Variants in SLC35G5 observed in about 807,000 individuals in gnomAD.
SLC35G5 encodes solute carrier family 35 member G5, also known as acyl-malonyl condensing enzyme 1-like 2.
Under a neutral mutation model 17.6 loss-of-function variants are expected in SLC35G5, and 14 were observed. The observed-to-expected ratio is 0.79, with a 90% CI of 0.52 to 1.24. The LOEUF (loss-of-function observed/expected upper bound fraction) is 1.24, where lower values mean the gene tolerates loss of function less well. SLC35G5 is among the 50% of genes most tolerant of loss of function. SLC35G5 has a pLI of 0.00. For synonymous variants in SLC35G5, 236 were observed against 194.9 expected (o/e 1.21, Z -1.76); for missense variants, 541 against 430.3 (o/e 1.26, Z -2.28).
In SLC35G5 at chr8:11,332,352, T is replaced by G; in HGVS notation, c.*229T>G. ...GCTTATTTACAGGAATAAAATTAAT[T>G]GAACTATCCTTAAGGAATCCCAGAC... On this transcript the variant is annotated 3_prime_UTR_variant, in exon 1 of 1. Coordinates refer to ENST00000382435, the MANE Select transcript of SLC35G5 (RefSeq NM_054028.2). 2 of 783,768 alleles carry G rather than the reference T, an allele frequency of 2.6e-6. No individual in the cohort carries two copies. Among genetic ancestry groups the G allele is most frequent in the Non-Finnish European group, 3.6e-6 (2 of 550,716 alleles). The allele number at this position is 783,768 out of a possible 1,614,324, so 48.6% of individuals were successfully genotyped here. A position where few individuals can be genotyped will look rare whatever the true frequency, so the allele number is the denominator to read the frequency against.
At position 11,332,062 on chromosome 8, in the gene SLC35G5, G is replaced by A; in HGVS notation, c.956G>A (p.Ser319Asn). Residue 319 changes from serine to asparagine, a missense_variant, in exon 1 of 1, where the codon AGC becomes AAC. Transcript: ENST00000382435. ...ATGGGGGCAGGGGTTGTGCTGGGCA[G>A]CATTGCCATCATTACAGCCCGGAAC... is the stretch of plus-strand genomic sequence containing the variant. ...DIMGAGVVLGSIAIITARNLS... is the reference protein window; with the variant it reads ...DIMGAGVVLGNIAIITARNLS... 2 of 1,611,926 alleles carry A rather than the reference G, an allele frequency of 1.2e-6. No homozygotes were observed. The highest frequency in any genetic ancestry group is 2.2e-5 in the East Asian group (1 of 44,876).
In SLC35G5 at chr8:11,331,375, G is replaced by A. The variant is rs141484171; in HGVS notation, c.269G>A (p.Arg90His). 2.6e-4 allele frequency: 426 copies of A among 1,613,652 alleles called. No individual in the cohort carries two copies. Among genetic ancestry groups the A allele is most frequent in the African/African-American group, 2.6e-3 (197 of 75,036 alleles). The stretch of plus-strand genomic sequence containing the variant: ...CCTATTGCCCTGCTACTTAAACTGC[G>A]TGGCGACCCCCTTCTGGGACCTCCT... Reference protein sequence around the residue: ...HLPIALLLKLRGDPLLGPPDI... With the variant: ...HLPIALLLKLHGDPLLGPPDI... Residue 90 changes from arginine (R) to histidine (H), a missense_variant, in exon 1 of 1, where the codon CGT becomes CAT. Transcript: ENST00000382435.
rs373728141 is a variant in SLC35G5, at chr8:11,331,156, C to A, written c.50C>A (p.Ser17Ter). 6.2e-7 allele frequency: 1 copy of A among 1,611,804 alleles called. No homozygotes were observed. The change falls in exon 1 of 1, where the codon TCG becomes TAG. Residue 17 changes from serine (S) to a stop codon, truncating the protein, a stop_gained. Coordinates refer to ENST00000382435, the MANE Select transcript of SLC35G5 (RefSeq NM_054028.2). LOFTEE classifies it high-confidence loss of function. The stretch of plus-strand genomic sequence containing the variant: ...AACCTGCCTGACTCCACACACCCAT[C>A]GCCGCCCTCCGCTCCACCCAGCCTC... ...YFNLPDSTHP[S>*]PPSAPPSLRW... is the part of the protein sequence containing the mutation.
rs754536208 is a variant in SLC35G5, at chr8:11,331,799, G to T, written c.693G>T (p.Leu231=). ...TVAFLSGLVG[L]LGCVPGLFVL... ...CCTTCCTATCTGGCTTGGTGGGGCT[G>T]CTGGGCTGTGTGCCAGGCCTCTTTG... The change falls in exon 1 of 1, where the codon CTG becomes CTT. Residue 231 remains leucine, a synonymous_variant. Transcript: ENST00000382435. The T allele has an allele frequency of 2.3e-5, 37 of 1,611,658 alleles. No individual in the cohort carries two copies. The South Asian group carries it at 3.6e-4, about 16-fold the overall frequency.
At position 11,331,892 on chromosome 8, in the gene SLC35G5, C is replaced by T. The variant is rs143159188; in HGVS notation, c.786C>T (p.Leu262=). Residue 262 remains leucine, a synonymous_variant, in exon 1 of 1, where the codon CTC becomes CTT. Transcript: ENST00000382435. ...SWSCVGAEGI[L]ALVSFTCVGY... ...GTTGTGTGGGGGCAGAGGGGATCCT[C>T]GCCTTGGTCTCCTTCACATGTGTGG... The T allele has an allele frequency of 7.9e-5, 127 of 1,612,062 alleles. 1 individual carries two copies. In the African/African-American group the frequency reaches 1.2e-3, roughly 16 times the overall value.
Position 11,331,026 on chromosome 8 carries a change from C to G in SLC35G5, c.-81C>G. 1.3e-6 allele frequency: 2 copies of G among 1,514,410 alleles called. No homozygotes were observed. Among genetic ancestry groups the G allele is most frequent in the Non-Finnish European group, 1.8e-6 (2 of 1,135,734 alleles). 93.8% of individuals were successfully genotyped at this position (1,514,410 alleles called of 1,614,324 possible). A position where few individuals can be genotyped will look rare whatever the true frequency, so the allele number is the denominator to read the frequency against. On this transcript the variant is annotated 5_prime_UTR_variant, in exon 1 of 1. Coordinates refer to ENST00000382435, the MANE Select transcript of SLC35G5 (RefSeq NM_054028.2). ...GTTCCAGGGAAGAACCCCACCCGCA[C>G]TCCAATGAGGTCACAATGGCTGGAG... is the stretch of plus-strand genomic sequence containing the variant.
Position 11,332,269 on chromosome 8 carries a change from T to C in SLC35G5, c.*146T>C, listed in dbSNP as rs989355859. On this transcript the variant is annotated 3_prime_UTR_variant, in exon 1 of 1. Transcript: ENST00000382435. ...CTAACTTCCATAGCACATTATAATA[T>C]TGAGATGTTCAGTTATAATAAAAAT... The C allele has an allele frequency of 1.7e-5, 22 of 1,288,660 alleles. No homozygotes were observed. The highest frequency in any genetic ancestry group is 2.1e-5 in the Non-Finnish European group (20 of 962,718). 79.8% of individuals were successfully genotyped at this position (1,288,660 alleles called of 1,614,324 possible). A position where few individuals can be genotyped will look rare whatever the true frequency, so the allele number is the denominator to read the frequency against.
In SLC35G5 at chr8:11,331,875, G is replaced by C; in HGVS notation, c.769G>C (p.Gly257Arg). 6.2e-7 allele frequency: 1 copy of C among 1,612,044 alleles called. No homozygotes were observed. The highest frequency in any genetic ancestry group is 8.5e-7 in the Non-Finnish European group (1 of 1,179,858). ...PSDLLSWSCV[G>R]AEGILALVSF... ...TGACCTCCTGAGTTGGAGTTGTGTG[G>C]GGGCAGAGGGGATCCTCGCCTTGGT... The change falls in exon 1 of 1, where the codon GGG (glycine) becomes CGG (arginine). Residue 257 changes from glycine to arginine, a missense_variant. Gly to Arg is a moderately radical substitution (Grantham distance 125). Transcript: ENST00000382435.
In SLC35G5 at chr8:11,331,667, C is replaced by G. The variant is rs755131257; in HGVS notation, c.561C>G (p.Val187=). 5.0e-6 allele frequency: 8 copies of G among 1,612,100 alleles called. No individual in the cohort carries two copies. Among genetic ancestry groups the G allele is most frequent in the South Asian group, 3.3e-5 (3 of 90,988 alleles). ...CACTACAGGAGGGGACCACAGGTGT[C>G]TACACCACCCTGGGCTATGTGCAGG... ...LWTLQEGTTG[V]YTTLGYVQAF... Residue 187 remains valine (V), a synonymous_variant, in exon 1 of 1, where the codon GTC becomes GTG. Transcript: ENST00000382435.
chr8:11,331,925 G>A lies in SLC35G5; in HGVS notation c.819G>A (p.Ala273=), dbSNP rs147410277. The stretch of plus-strand genomic sequence containing the variant: ...TCTCCTTCACATGTGTGGGCTATGC[G>A]GTCACCAAGGCCCACCCTGCCCTGG... The part of the protein sequence containing the change: ...ALVSFTCVGY[A]VTKAHPALVC... Residue 273 remains alanine, a synonymous_variant, in exon 1 of 1, where the codon GCG becomes GCA. Coordinates refer to ENST00000382435, the MANE Select transcript of SLC35G5 (RefSeq NM_054028.2). 9.2e-5 allele frequency: 148 copies of A among 1,611,982 alleles called. No homozygotes were observed. In the East Asian group the frequency reaches 2.1e-3, roughly 23 times the overall value.
chr8:11,331,964 G>C lies in SLC35G5; in HGVS notation c.858G>C (p.Leu286=). The change falls in exon 1 of 1, where the codon CTG becomes CTC. Residue 286 remains leucine, a synonymous_variant. Transcript: ENST00000382435. ...KAHPALVCAV[L]HSEVVVALIL... ...ACCCTGCCCTGGTGTGCGCTGTCCT[G>C]CATTCCGAGGTGGTTGTGGCCCTTA... 6.2e-7 allele frequency: 1 copy of C among 1,612,030 alleles called. No individual in the cohort carries two copies. Among genetic ancestry groups the C allele is most frequent in the Non-Finnish European group, 8.5e-7 (1 of 1,179,854 alleles).
rs1309289127 is a variant in SLC35G5 at position 11,331,071 on chromosome 8, C to T, written c.-36C>T. 10 of 1,561,222 alleles carry T rather than the reference C, an allele frequency of 6.4e-6. No homozygotes were observed. The African/African-American group carries it at 6.8e-5, about 11-fold the overall frequency. On this transcript the variant is annotated 5_prime_UTR_variant, in exon 1 of 1. Coordinates refer to ENST00000382435, the MANE Select transcript of SLC35G5 (RefSeq NM_054028.2). ...CTGGAGCTCTGAGGGGCCCAGGCTCCCTGAGCCAGGAGGAGAGGAGAAAGT... is the reference window on the plus strand; with the variant it reads ...CTGGAGCTCTGAGGGGCCCAGGCTCTCTGAGCCAGGAGGAGAGGAGAAAGT...
In SLC35G5 at chr8:11,332,251, C is replaced by T. The variant is rs1801267061; in HGVS notation, c.*128C>T. ...CTAGGAAAGAGTGAAAGTCTAACTT[C>T]CATAGCACATTATAATATTGAGATG... On this transcript the variant is annotated 3_prime_UTR_variant, in exon 1 of 1. Coordinates refer to ENST00000382435, the MANE Select transcript of SLC35G5 (RefSeq NM_054028.2). 5.8e-6 allele frequency: 8 copies of T among 1,380,924 alleles called. No individual in the cohort carries two copies. Among genetic ancestry groups the T allele is most frequent in the Non-Finnish European group, 7.8e-6 (8 of 1,032,230 alleles). The allele number at this position is 1,380,924 out of a possible 1,614,324, so 85.5% of individuals were successfully genotyped here. A position where few individuals can be genotyped will look rare whatever the true frequency, so the allele number is the denominator to read the frequency against.
chr8:11,331,221 G>T lies in SLC35G5; in HGVS notation c.115G>T (p.Gly39Cys). Residue 39 changes from glycine (G) to cysteine (C), a missense_variant, in exon 1 of 1, where the codon GGC becomes TGC. Physicochemically the swap from Gly to Cys is radical, Grantham distance 159. Coordinates refer to ENST00000382435, the MANE Select transcript of SLC35G5 (RefSeq NM_054028.2). ...CTGCCAGCCCTCTGGTGCCACCAAT[G>T]GCCTGCTGGTGGCCCTGCTGGGTGG... ...QRCQPSGATN[G>C]LLVALLGGGL... 1 of 1,613,976 alleles carries T rather than the reference G, an allele frequency of 6.2e-7. No individual in the cohort carries two copies.
rs1468967789 is a variant in SLC35G5 at position 11,331,369 on chromosome 8, A to C, written c.263A>C (p.Lys88Thr). ...CACCTCCCTATTGCCCTGCTACTTA[A>C]ACTGCGTGGCGACCCCCTTCTGGGA... ...LFHLPIALLL[K>T]LRGDPLLGPP... Residue 88 changes from lysine (K) to threonine (T), a missense_variant, in exon 1 of 1, where the codon AAA becomes ACA. Lys to Thr is a moderately conservative substitution (Grantham distance 78). Transcript: ENST00000382435. 2 of 1,613,786 alleles carry C rather than the reference A, an allele frequency of 1.2e-6. No individual in the cohort carries two copies. The highest frequency in any genetic ancestry group is 1.3e-5 in the African/African-American group (1 of 74,886).
At position 11,331,744 on chromosome 8, in the gene SLC35G5, T is replaced by C; in HGVS notation, c.638T>C (p.Leu213Pro). 1.9e-6 allele frequency: 3 copies of C among 1,611,954 alleles called. No homozygotes were observed. The highest frequency in any genetic ancestry group is 2.5e-6 in the Non-Finnish European group (3 of 1,179,830). The change falls in exon 1 of 1, where the codon CTG becomes CCG. Residue 213 changes from leucine to proline, a missense_variant. Coordinates refer to ENST00000382435, the MANE Select transcript of SLC35G5 (RefSeq NM_054028.2). ...CTGGGGCTTCTGGTCTATCGTTCTCTGCACTTTCCCTCCTGCCTCCCAACA... is the reference window on the plus strand; with the variant it reads ...CTGGGGCTTCTGGTCTATCGTTCTCCGCACTTTCCCTCCTGCCTCCCAACA... ...LSLGLLVYRS[L>P]HFPSCLPTVA...
Position 11,331,518 on chromosome 8 carries a change from T to G in SLC35G5, c.412T>G (p.Ser138Ala). ...CGCTGCCACTGTTCGCAAAGGTTCT[T>G]CCACCGTATGCTCCGCTGTCCTCAC... Reference protein sequence around the residue: ...GNAATVRKGSSTVCSAVLTLC... With the variant: ...GNAATVRKGSATVCSAVLTLC... The change falls in exon 1 of 1, where the codon TCC (serine) becomes GCC (alanine). Residue 138 changes from serine (S) to alanine (A), a missense_variant. By Grantham distance (99) the Ser-to-Ala change is moderately conservative (BLOSUM62 1). Transcript: ENST00000382435. The G allele has an allele frequency of 3.1e-6, 5 of 1,613,782 alleles. No individual in the cohort carries two copies. The highest frequency in any genetic ancestry group is 4.2e-6 in the Non-Finnish European group (5 of 1,179,850).
At position 11,331,697 on chromosome 8, in the gene SLC35G5, C is replaced by T; in HGVS notation, c.591C>T (p.Phe197=). 2 of 1,612,006 alleles carry T rather than the reference C, an allele frequency of 1.2e-6. No individual in the cohort carries two copies. The highest frequency in any genetic ancestry group is 1.7e-6 in the Non-Finnish European group (2 of 1,179,834). ...VYTTLGYVQA[F]LGGLALSLGL... is the part of the protein sequence containing the mutation. ...CCACCCTGGGCTATGTGCAGGCTTT[C>T]CTGGGAGGCCTGGCGCTGTCCCTGG... is the stretch of plus-strand genomic sequence containing the variant. Residue 197 remains phenylalanine (F), a synonymous_variant, in exon 1 of 1, where the codon TTC becomes TTT. Transcript: ENST00000382435.
chr8:11,331,852 A>C lies in SLC35G5; in HGVS notation c.746A>C (p.Asp249Ala). ...FVLQTPVLPS[D>A]LLSWSCVGAE... ...CTGCAGACCCCCGTGTTGCCCAGTG[A>C]CCTCCTGAGTTGGAGTTGTGTGGGG... Residue 249 changes from aspartate (D) to alanine (A), a missense_variant, in exon 1 of 1, where the codon GAC (aspartate) becomes GCC (alanine). By Grantham distance (126) the Asp-to-Ala change is moderately radical. Coordinates refer to ENST00000382435, the MANE Select transcript of SLC35G5 (RefSeq NM_054028.2). 1 of 1,611,554 alleles carries C rather than the reference A, an allele frequency of 6.2e-7. No homozygotes were observed. The highest frequency in any genetic ancestry group is 8.5e-7 in the Non-Finnish European group (1 of 1,179,798).
Sources: gnomAD v4.1 joint callset for allele counts on GRCh38, gnomAD v4.1.1 for gene constraint, MANE v1.5 for transcripts, NCBI Gene and HGNC (gene_info 2026-07-23, HGNC 2026-07-21) for gene names.